CYP39A1: variants seen among roughly 807,000 people sequenced by gnomAD.
CYP39A1 encodes the protein 24-hydroxycholesterol 7-alpha-hydroxylase.
A neutral mutation model predicts 58.1 loss-of-function variants in CYP39A1; 49 were observed. That is an observed-to-expected ratio of 0.84 (90% CI 0.67 to 1.07). The LOEUF is 1.07. Among genes scored for constraint, CYP39A1 ranks in the 50% least tolerant of loss-of-function variants. CYP39A1 has a pLI of 0.00. For missense variants in CYP39A1, 531 were observed against 539.4 expected (o/e 0.98, Z 0.16); for synonymous variants, 209 against 187.6 (o/e 1.11, Z -0.93).
At chr6:46,569,529 G>A (rs1771470423) in intron 10 of CYP39A1, among the ~76,000 whole-genome samples, 1 of 151,842 alleles carries the variant, frequency 6.6e-6, no homozygotes, top group South Asian at 2.1e-4. Context: ...CCTTTATTAT[G>A]TTGAAGTACT....
intron 7 of CYP39A1, among the ~76,000 whole-genome samples, chr6:46,599,342 C>T (rs905766339): frequency 1.3e-5 from 2 of 151,860 alleles, no homozygotes; most frequent in African/African-American, 2.4e-5. Context: ...AGAGGCTTTT[C>T]AGAAGAAAAA....
intron 5 of CYP39A1, among the ~76,000 whole-genome samples, 153 bp from the exon 6 acceptor site, chr6:46,631,223 C>A (rs529718341): frequency 6.6e-6 from 1 of 151,770 alleles, no homozygotes; most frequent in Admixed American, 6.6e-5. Flanking sequence ...GGATTTATGT[C>A]CTTACTGTAG....
At chr6:46,583,573 T>C (rs1196227719) in intron 10 of CYP39A1, 1 of 985,366 alleles carries the variant, frequency 1.0e-6, no homozygotes, top group Non-Finnish European at 1.2e-6. Flanking sequence ...CTCTTTCCTG[T>C]TTGTTTTTCT....
intron 10 of CYP39A1, among the ~76,000 whole-genome samples, chr6:46,562,158 G>A (rs1239552070): frequency 6.6e-6 from 1 of 152,056 alleles, no homozygotes; most frequent in Admixed American, 6.6e-5. Context: ...GAGTAGCTGG[G>A]ATTACAGGCA....
At chr6:46,558,897 G>A (rs911654261) in intron 10 of CYP39A1, among the ~76,000 whole-genome samples, 7 of 151,674 alleles carry the variant, frequency 4.6e-5, no homozygotes, top group Non-Finnish European at 7.4e-5. Flanking sequence ...TCAGGAGGCT[G>A]AGGCAGGAGA....
At chr6:46,650,111 TAC>T (rs3085603) in intron 1 of CYP39A1, among the ~76,000 whole-genome samples, 3,453 of 146,416 alleles carry the variant, frequency 0.024, 46 homozygotes, top group Middle Eastern at 0.059. Context: ...TTACTACATT[TAC>T]ACACACACAC....
chr6:46,557,638 G>A (rs1770724885), intron 10 of CYP39A1, among the ~76,000 whole-genome samples: 1 of 119,984 alleles, frequency 8.3e-6, no homozygotes, highest in Non-Finnish European at 1.6e-5. Context: ...GCAGAACTCT[G>A]TCTTTAAAAA....
intron 10 of CYP39A1, among the ~76,000 whole-genome samples, chr6:46,578,867 G>T (rs1771979642): frequency 6.6e-6 from 1 of 151,974 alleles, no homozygotes; most frequent in South Asian, 2.1e-4. Context: ...AATTCTACCA[G>T]ATACATAAAG....
intron 7 of CYP39A1, among the ~76,000 whole-genome samples, chr6:46,608,559 C>T (rs73469133): frequency 0.071 from 10,759 of 151,888 alleles, 862 homozygotes; most frequent in African/African-American, 0.2. Context: ...CTCACTCTTA[C>T]GGAGGTGATA....
At chr6:46,588,848 A>G (rs888403421) in intron 8 of CYP39A1, among the ~76,000 whole-genome samples, 1 of 152,186 alleles carries the variant, frequency 6.6e-6, no homozygotes, top group Non-Finnish European at 1.5e-5. Flanking sequence ...AGTCTACATT[A>G]TCCTTCCTGA....
intron 10 of CYP39A1, among the ~76,000 whole-genome samples, chr6:46,578,408 A>G (rs1019785052): frequency 1.3e-5 from 2 of 152,082 alleles, no homozygotes; most frequent in African/African-American, 4.8e-5. Context: ...ACAGAAGAAA[A>G]TAAATGACCA....
intron 7 of CYP39A1, among the ~76,000 whole-genome samples, chr6:46,615,264 T>G (rs1774457441): frequency 6.6e-6 from 1 of 151,122 alleles, no homozygotes; most frequent in Admixed American, 6.6e-5. Context: ...GAACATATAT[T>G]TTTATAAATA....
At chr6:46,551,600 C>A (rs1770398552) in intron 11 of CYP39A1, among the ~76,000 whole-genome samples, 1 of 152,116 alleles carries the variant, frequency 6.6e-6, no homozygotes, top group Non-Finnish European at 1.5e-5. Flanking sequence ...TATTTAAGGC[C>A]TTTTGAGGTA....
At chr6:46,631,916 C>A (rs1403570046) in intron 5 of CYP39A1, among the ~76,000 whole-genome samples, 4 of 152,312 alleles carry the variant, frequency 2.6e-5, no homozygotes, top group African/African-American at 9.6e-5. Context: ...AATTCAGACA[C>A]TGTAACATTT....
chr6:46,617,110 A>T (rs532440338), intron 7 of CYP39A1, among the ~76,000 whole-genome samples: 2 of 152,264 alleles, frequency 1.3e-5, no homozygotes, highest in South Asian at 4.1e-4. Flanking sequence ...GCCCTGGTTA[A>T]GTGGCCCTTA....
At chr6:46,609,176 C>A (rs1437316866) in intron 7 of CYP39A1, among the ~76,000 whole-genome samples, 1 of 151,664 alleles carries the variant, frequency 6.6e-6, no homozygotes, top group African/African-American at 2.4e-5. Context: ...CCGAGGTGGG[C>A]GGATTACGAG....
intron 10 of CYP39A1, among the ~76,000 whole-genome samples, chr6:46,581,917 A>G (rs1772155438): frequency 6.6e-6 from 1 of 152,282 alleles, no homozygotes; most frequent in East Asian, 1.9e-4. Flanking sequence ...AATTTTGCCA[A>G]TGGTTTCTAT....
intron 10 of CYP39A1, among the ~76,000 whole-genome samples, chr6:46,562,664 AAT>A (rs1433949719): frequency 6.6e-6 from 1 of 152,040 alleles, no homozygotes; most frequent in Non-Finnish European, 1.5e-5. Flanking sequence ...GAAGCTGAAA[AAT>A]ATGTTAGAAA....
chr6:46,630,850 T>C, intron 6 of CYP39A1, 113 bp downstream of exon 6: 1 of 858,026 alleles, frequency 1.2e-6, no homozygotes, highest in South Asian at 1.7e-5. Context: ...GTAGTTTTTT[T>C]CTTTTCCATA....
Sources: gnomAD v4.1 joint callset for allele counts (sites outside exome capture counted in the v4.1 genomes callset) on GRCh38, gnomAD v4.1.1 for gene constraint, MANE v1.5 for transcripts, NCBI Gene and HGNC (gene_info 2026-07-23, HGNC 2026-07-21) for gene names.